The following DENND4A variants were observed in gnomAD, a reference collection of about 807,000 sequenced individuals.
DENND4A encodes the protein DENN domain containing 4A.
Under a neutral mutation model 199.3 loss-of-function variants are expected in DENND4A, and 70 were observed. The observed-to-expected ratio is 0.35, with a 90% CI of 0.29 to 0.43. The LOEUF is 0.43. Among genes scored for constraint, DENND4A ranks in the 20% least tolerant of loss-of-function variants. The probability of loss-of-function intolerance (pLI) is 1.00; values close to 1 mark genes in which losing one functional copy is unlikely to be tolerated. For missense variants in DENND4A, 1,723 were observed against 2,255.8 expected, an observed-to-expected ratio of 0.76 and a Z score of 4.78; for synonymous variants, 686 against 766.9, an observed-to-expected ratio of 0.89 and a Z score of 1.74.
chr15:65,708,234 T>C (rs898999754), intron 14 of DENND4A, among the ~76,000 whole-genome samples: 1 of 152,140 alleles, frequency 6.6e-6, no homozygotes, highest in Admixed American at 6.5e-5. Flanking sequence ...CTGGAACTCC[T>C]GGCCTCAAAG....
chr15:65,676,736 A>G, intron 23 of DENND4A, 102 bp from the exon 24 acceptor site: 1 of 877,714 alleles, frequency 1.1e-6, no homozygotes, highest in Non-Finnish European at 1.7e-6. Context: ...AACTACCCAG[A>G]TGATCAGCTG....
At chr15:65,732,426 CCTTAA>C (rs1188213174) in intron 8 of DENND4A, among the ~76,000 whole-genome samples, 3 of 151,902 alleles carry the variant, frequency 2.0e-5, no homozygotes, top group African/African-American at 7.3e-5. Context: ...CACAACTTTC[CCTTAA>C]CTTATTAAAT....
chr15:65,727,027 A>T (rs574459222), intron 11 of DENND4A, among the ~76,000 whole-genome samples: 9 of 152,088 alleles, frequency 5.9e-5, no homozygotes, highest in Admixed American at 4.6e-4. Context: ...TTAAAAATGG[A>T]GAAAAACTGG....
At chr15:65,682,782 A>C (rs996353429) in intron 23 of DENND4A, among the ~76,000 whole-genome samples, 1 of 152,186 alleles carries the variant, frequency 6.6e-6, no homozygotes, top group African/African-American at 2.4e-5. Flanking sequence ...ACACTTTAGA[A>C]GCCACTGTAG....
intron 1 of DENND4A, among the ~76,000 whole-genome samples, chr15:65,791,042 G>A (rs973220782): frequency 1.3e-4 from 19 of 151,962 alleles, no homozygotes; most frequent in African/African-American, 4.6e-4. Flanking sequence ...TTTACATTCG[G>A]GCTATTCTTT....
intron 9 of DENND4A, among the ~76,000 whole-genome samples, chr15:65,730,049 G>T (rs1596543689): frequency 6.6e-6 from 1 of 152,178 alleles, no homozygotes; most frequent in East Asian, 1.9e-4. Flanking sequence ...TCCTTAAATG[G>T]AAGTTTTTGA....
intron 4 of DENND4A, among the ~76,000 whole-genome samples, chr15:65,744,710 CAT>C (rs373986718): frequency 3.3e-5 from 5 of 152,298 alleles, no homozygotes; most frequent in African/African-American, 7.2e-5. Context: ...CTGAGAGACT[CAT>C]AAAGTATAAG....
intron 29 of DENND4A, among the ~76,000 whole-genome samples, chr15:65,665,909 T>TA (rs1237488700): frequency 2.0e-5 from 3 of 152,304 alleles, no homozygotes; most frequent in South Asian, 2.1e-4. Flanking sequence ...TTCCTGAACT[T>TA]AGAGACCACC....
At chr15:65,748,189 T>C (rs552697490) in intron 4 of DENND4A, among the ~76,000 whole-genome samples, 1 of 152,066 alleles carries the variant, frequency 6.6e-6, no homozygotes, top group East Asian at 1.9e-4. Context: ...TAGCAAAGTG[T>C]TAATTTACAT....
At chr15:65,787,352 C>T (rs1238979456) in intron 1 of DENND4A, among the ~76,000 whole-genome samples, 2 of 152,126 alleles carry the variant, frequency 1.3e-5, no homozygotes, top group African/African-American at 4.8e-5. Flanking sequence ...GAAACAGTAT[C>T]TCTCTTACTA....
intron 14 of DENND4A, among the ~76,000 whole-genome samples, chr15:65,712,950 A>C (rs1171507116): frequency 1.3e-5 from 2 of 152,166 alleles, no homozygotes; most frequent in African/African-American, 2.4e-5. Flanking sequence ...TCTTCCCTTA[A>C]TCTTTGAGAG....
chr15:65,702,759 C>T (rs1054724578), intron 16 of DENND4A, 114 bp downstream of exon 16: 15 of 1,092,370 alleles, frequency 1.4e-5, no homozygotes, highest in Admixed American at 2.4e-5. Flanking sequence ...CTTTGGTGAA[C>T]ATAATAATCT....
At chr15:65,786,675 G>A (rs2077574538) in intron 1 of DENND4A, among the ~76,000 whole-genome samples, 1 of 152,132 alleles carries the variant, frequency 6.6e-6, no homozygotes, top group Admixed American at 6.5e-5. Context: ...TGATAGATGA[G>A]GACACTGAGG....
Position 65,738,894 on chromosome 15 carries a change from A to T in DENND4A, c.632-19T>A, listed in dbSNP as rs776251418. ...ATTAGGCCTATAAAAACAACAATAAATATTAGGTCATCATCTCTTGAATTT... is the reference window on the plus strand; with the variant it reads ...ATTAGGCCTATAAAAACAACAATAATTATTAGGTCATCATCTCTTGAATTT... On this transcript the variant is annotated intron_variant, in intron 5 of 32. Coordinates refer to ENST00000443035, the MANE Select transcript of DENND4A (RefSeq NM_001320835.1). 6 of 1,507,210 alleles carry T rather than the reference A, an allele frequency of 4.0e-6. No individual in the cohort carries two copies. In the South Asian group the frequency reaches 7.8e-5, roughly 19 times the overall value. The allele number at this position is 1,507,210 out of a possible 1,614,324, so 93.4% of individuals were successfully genotyped here.
chr15:65,705,125 ACAT>A (rs546570374), intron 15 of DENND4A, among the ~76,000 whole-genome samples: 9 of 152,220 alleles, frequency 5.9e-5, no homozygotes, highest in Non-Finnish European at 1.3e-4. Flanking sequence ...AGTGATACAA[ACAT>A]CATCATCACT....
At chr15:65,758,404 C>T (rs1199693941) in intron 2 of DENND4A, among the ~76,000 whole-genome samples, 2 of 152,150 alleles carry the variant, frequency 1.3e-5, no homozygotes. Context: ...GCCTTGACCA[C>T]CTGGGCTCAA....
chr15:65,752,506 C>T lies in DENND4A; in HGVS notation c.434G>A (p.Arg145Gln). ...CTGAGTCATGTTTTCAGAGGCTCTT[C>T]GGTAAGTGATATAAATTCTTTGTGA... ...TSSQRIYITY[R>Q]RASENMTQNT... The change falls in exon 4 of 33, where the codon CGA becomes CAA. Residue 145 changes from arginine to glutamine, a missense_variant. Arg to Gln is a conservative substitution (Grantham distance 43). Coordinates refer to ENST00000443035, the MANE Select transcript of DENND4A (RefSeq NM_001320835.1). The T allele has an allele frequency of 3.1e-6, 5 of 1,613,538 alleles. No homozygotes were observed. Among genetic ancestry groups the T allele is most frequent in the Non-Finnish European group, 4.2e-6 (5 of 1,179,758 alleles).
At chr15:65,697,888 T>A (rs1171034850) in intron 20 of DENND4A, among the ~76,000 whole-genome samples, 1 of 152,194 alleles carries the variant, frequency 6.6e-6, no homozygotes, top group Non-Finnish European at 1.5e-5. Flanking sequence ...AGCTGAATAA[T>A]CATTGAACTG....
At chr15:65,684,997 C>T (rs926059173) in intron 23 of DENND4A, among the ~76,000 whole-genome samples, 1 of 150,852 alleles carries the variant, frequency 6.6e-6, no homozygotes, top group Non-Finnish European at 1.5e-5. Flanking sequence ...GCTAATCTTT[C>T]GTATTTTTAG....
Sources: gnomAD v4.1 joint callset for allele counts (sites outside exome capture counted in the v4.1 genomes callset) on GRCh38, gnomAD v4.1.1 for gene constraint, MANE v1.5 for transcripts, NCBI Gene and HGNC (gene_info 2026-07-23, HGNC 2026-07-21) for gene names.